The following FZD1 variants were observed in gnomAD, a reference collection of about 807,000 sequenced individuals.
FZD1 encodes the protein frizzled class receptor 1, also known as frizzled-1.
FZD1 carries 22 observed loss-of-function variants against 48.0 expected under a neutral mutation model. That is an observed-to-expected ratio of 0.46 (90% CI 0.33 to 0.65). FZD1 has a LOEUF of 0.65. FZD1 is among the 30% of genes least tolerant of loss of function. FZD1 has a pLI of 0.02. For synonymous variants in FZD1, 486 were observed against 409.6 expected (o/e 1.19, Z -2.25); for missense variants, 843 against 898.1 (o/e 0.94, Z 0.78).
Position 91,266,371 on chromosome 7 carries a change from G to A in FZD1, c.1491G>A (p.Val497=). The change falls in exon 1 of 1, where the codon GTG becomes GTA. Residue 497 remains valine (V), a synonymous_variant. Transcript: ENST00000287934. The surrounding 1 kb of genome is among the most constrained non-coding windows in gnomAD (Gnocchi z 6.8). ...GCTTCGTGCTGGCGCCCCTCTTCGT[G>A]TACCTGTTTATCGGCACGTCCTTTC... ...LRGFVLAPLF[V]YLFIGTSFLL... 6.2e-7 allele frequency: 1 copy of A among 1,614,190 alleles called. No homozygotes were observed. Among genetic ancestry groups the A allele is most frequent in the Non-Finnish European group, 8.5e-7 (1 of 1,180,038 alleles).
rs1803832516 is a variant in FZD1, at chr7:91,264,533, A to G, written c.-348A>G. 9.1e-6 allele frequency: 3 copies of G among 331,294 alleles called. No individual in the cohort carries two copies. Among genetic ancestry groups the G allele is most frequent in the South Asian group, 3.0e-4 (2 of 6,748 alleles). The allele number at this position is 331,294 out of a possible 1,614,324, so 20.5% of individuals were successfully genotyped here. A position where few individuals can be genotyped will look rare whatever the true frequency, so the allele number is the denominator to read the frequency against. The stretch of plus-strand genomic sequence containing the variant: ...AGAAGGAGGCGGAGGCGCAGGGGGG[A>G]GCCGAGCCCGCTGGGCTGCGGAGAG... On this transcript the variant is annotated 5_prime_UTR_variant, in exon 1 of 1. Transcript: ENST00000287934.
rs1187357215 is a variant in FZD1, at chr7:91,266,204, G to A, written c.1324G>A (p.Ala442Thr). 4 of 1,614,176 alleles carry A rather than the reference G, an allele frequency of 2.5e-6. No individual in the cohort carries two copies. In the Admixed American group the frequency reaches 6.7e-5, roughly 27 times the overall value. ...GMKWGHEAIE[A>T]NSQYFHLAAW... ...GAAGTGGGGCCACGAGGCCATCGAA[G>A]CCAACTCACAGTATTTTCACCTGGC... is the stretch of plus-strand genomic sequence containing the variant. The change falls in exon 1 of 1, where the codon GCC (alanine) becomes ACC (threonine). Residue 442 changes from alanine (A) to threonine (T), a missense_variant. Ala to Thr is a moderately conservative substitution (Grantham distance 58). Coordinates refer to ENST00000287934, the MANE Select transcript of FZD1 (RefSeq NM_003505.2). This position sits in a 1 kb window ranked among gnomAD's most constrained non-coding sequence, Gnocchi z 6.8.
Position 91,264,526 on chromosome 7 carries a change from A to G in FZD1, c.-355A>G. On this transcript the variant is annotated 5_prime_UTR_variant, in exon 1 of 1. Coordinates refer to ENST00000287934, the MANE Select transcript of FZD1 (RefSeq NM_003505.2). ...GCGGCGGAGAAGGAGGCGGAGGCGC[A>G]GGGGGGAGCCGAGCCCGCTGGGCTG... is the stretch of plus-strand genomic sequence containing the variant. 6.2e-6 allele frequency: 2 copies of G among 320,544 alleles called. No individual in the cohort carries two copies. Among genetic ancestry groups the G allele is most frequent in the Non-Finnish European group, 1.1e-5 (2 of 175,418 alleles). The allele number at this position is 320,544 out of a possible 1,614,324, so 19.9% of individuals were successfully genotyped here.
chr7:91,265,755 G>A lies in FZD1; in HGVS notation c.875G>A (p.Gly292Glu). The A allele has an allele frequency of 6.2e-7, 1 of 1,612,714 alleles. No individual in the cohort carries two copies. The highest frequency in any genetic ancestry group is 1.3e-5 in the African/African-American group (1 of 75,056). The change falls in exon 1 of 1, where the codon GGG (glycine) becomes GAG (glutamate). Residue 292 changes from glycine to glutamate, a missense_variant. Physicochemically the swap from Gly to Glu is moderately conservative, Grantham distance 98. Coordinates refer to ENST00000287934, the MANE Select transcript of FZD1 (RefSeq NM_003505.2). The surrounding 1 kb of genome is among the most constrained non-coding windows in gnomAD (Gnocchi z 6.9). Reference protein sequence around the residue: ...VPSYLNYHFLGEKDCGAPCEP... With the variant: ...VPSYLNYHFLEEKDCGAPCEP... ...TCCTACCTCAACTACCACTTCCTGGGGGAGAAGGACTGCGGCGCACCTTGT... is the reference window on the plus strand; with the variant it reads ...TCCTACCTCAACTACCACTTCCTGGAGGAGAAGGACTGCGGCGCACCTTGT...
Position 91,270,087 on chromosome 7 carries a change from C to T in FZD1, c.*3263C>T, listed in dbSNP as rs1803946949. On this transcript the variant is annotated 3_prime_UTR_variant, in exon 1 of 1. Transcript: ENST00000287934. ...ATACTGGTGGCAAAATAGGACGTGT[C>T]TGGAAAACCATAAGGCTACTTGGGA... The T allele has an allele frequency of 6.0e-6, 1 of 167,130 alleles. No homozygotes were observed. The highest frequency in any genetic ancestry group is 2.1e-4 in the South Asian group (1 of 4,824). 10.4% of individuals were successfully genotyped at this position (167,130 alleles called of 1,614,324 possible).
chr7:91,266,686 C>T lies in FZD1; in HGVS notation c.1806C>T (p.Val602=). ...PHPPMSPDFT[V]FMIKYLMTLI... is the part of the protein sequence containing the mutation. ...CGCCCATGAGCCCGGACTTCACGGT[C>T]TTCATGATTAAGTACCTTATGACGC... The change falls in exon 1 of 1, where the codon GTC becomes GTT. Residue 602 remains valine, a synonymous_variant. Transcript: ENST00000287934. This position sits in a 1 kb window ranked among gnomAD's most constrained non-coding sequence, Gnocchi z 6.8. 1 of 1,611,546 alleles carries T rather than the reference C, an allele frequency of 6.2e-7. No homozygotes were observed. The highest frequency in any genetic ancestry group is 8.5e-7 in the Non-Finnish European group (1 of 1,178,180).
At position 91,268,192 on chromosome 7, in the gene FZD1, T is replaced by C. The variant is rs1340271787; in HGVS notation, c.*1368T>C. The C allele has an allele frequency of 6.0e-6, 1 of 166,982 alleles. No individual in the cohort carries two copies. Among genetic ancestry groups the C allele is most frequent in the Non-Finnish European group, 1.5e-5 (1 of 68,126 alleles). 10.3% of individuals were successfully genotyped at this position (166,982 alleles called of 1,614,324 possible). A position where few individuals can be genotyped will look rare whatever the true frequency, so the allele number is the denominator to read the frequency against. ...ATGTAAAAGTTGTACACTTTCAACA[T>C]TTTATTACGATTATTATTCAGCAGC... On this transcript the variant is annotated 3_prime_UTR_variant, in exon 1 of 1. Transcript: ENST00000287934.
At position 91,264,791 on chromosome 7, in the gene FZD1, CA is replaced by C; in HGVS notation, c.-89del. On this transcript the variant is annotated 5_prime_UTR_variant, in exon 1 of 1. Coordinates refer to ENST00000287934, the MANE Select transcript of FZD1 (RefSeq NM_003505.2). Reference sequence around the variant, plus strand: ...TTGGGCTCGACGGAGGGCACCCGCGCAGAGGTCTCCCTGGCCGCAGGGGGAG... The same window carrying C: ...TTGGGCTCGACGGAGGGCACCCGCGCGAGGTCTCCCTGGCCGCAGGGGGAG... 1 of 877,616 alleles carries C rather than the reference CA, an allele frequency of 1.1e-6. No individual in the cohort carries two copies. Among genetic ancestry groups the C allele is most frequent in the Admixed American group, 4.3e-5 (1 of 23,176 alleles). The allele number at this position is 877,616 out of a possible 1,614,324, so 54.4% of individuals were successfully genotyped here.
chr7:91,265,176 G>C lies in FZD1; in HGVS notation c.296G>C (p.Gly99Ala). The stretch of plus-strand genomic sequence containing the variant: ...CCGCCGCCTCAGCAGCAACAGAGCG[G>C]GCAGCAGTACAACGGCGAGCGGGGC... Reference protein sequence around the residue: ...PPPPPQQQQSGQQYNGERGIS... With the variant: ...PPPPPQQQQSAQQYNGERGIS... The change falls in exon 1 of 1, where the codon GGG (glycine) becomes GCG (alanine). Residue 99 changes from glycine to alanine, a missense_variant. This residue lies in a region of FZD1 where 490 missense variants were observed against 466.5 expected (regional missense o/e 1.05). Transcript: ENST00000287934. The surrounding 1 kb of genome is among the most constrained non-coding windows in gnomAD (Gnocchi z 6.9). The C allele has an allele frequency of 6.2e-7, 1 of 1,612,054 alleles. No homozygotes were observed. Among genetic ancestry groups the C allele is most frequent in the Non-Finnish European group, 8.5e-7 (1 of 1,179,582 alleles).
In FZD1 at chr7:91,264,542, C is replaced by T. The variant is rs984825040; in HGVS notation, c.-339C>T. The T allele has an allele frequency of 4.1e-5, 14 of 344,368 alleles. No individual in the cohort carries two copies. The highest frequency in any genetic ancestry group is 6.3e-5 in the Non-Finnish European group (12 of 190,698). The allele number at this position is 344,368 out of a possible 1,614,324, so 21.3% of individuals were successfully genotyped here. A position where few individuals can be genotyped will look rare whatever the true frequency, so the allele number is the denominator to read the frequency against. ...CGGAGGCGCAGGGGGGAGCCGAGCCCGCTGGGCTGCGGAGAGTTGCGCTCT... is the reference window on the plus strand; with the variant it reads ...CGGAGGCGCAGGGGGGAGCCGAGCCTGCTGGGCTGCGGAGAGTTGCGCTCT... On this transcript the variant is annotated 5_prime_UTR_variant, in exon 1 of 1. Transcript: ENST00000287934.
chr7:91,264,453 A>T lies in FZD1; in HGVS notation c.-428A>T, dbSNP rs902970464. On this transcript the variant is annotated 5_prime_UTR_variant, in exon 1 of 1. Transcript: ENST00000287934. ...AAACCGGTCCGAGGGCGCGCGAGGC[A>T]GAGGAGAGGGAGCGAGTTGAGGGAT... 4 of 222,188 alleles carry T rather than the reference A, an allele frequency of 1.8e-5. No individual in the cohort carries two copies. The East Asian group carries it at 2.7e-4, about 15-fold the overall frequency. 13.8% of individuals were successfully genotyped at this position (222,188 alleles called of 1,614,324 possible).
At position 91,268,959 on chromosome 7, in the gene FZD1, A is replaced by G. The variant is rs916826004; in HGVS notation, c.*2135A>G. The G allele has an allele frequency of 4.3e-5, 7 of 164,630 alleles. No individual in the cohort carries two copies. Among genetic ancestry groups the G allele is most frequent in the Non-Finnish European group, 7.4e-5 (5 of 67,172 alleles). 10.2% of individuals were successfully genotyped at this position (164,630 alleles called of 1,614,324 possible). ...TGACAGTAGAAAATAGAAGTTTGCA[A>G]ATTATTTCTTTACTCAAAGAGGATT... On this transcript the variant is annotated 3_prime_UTR_variant, in exon 1 of 1. Coordinates refer to ENST00000287934, the MANE Select transcript of FZD1 (RefSeq NM_003505.2).
Position 91,265,513 on chromosome 7 carries a change from C to A in FZD1, c.633C>A (p.Asp211Glu). The A allele has an allele frequency of 6.2e-7, 1 of 1,612,532 alleles. No homozygotes were observed. The highest frequency in any genetic ancestry group is 1.1e-5 in the South Asian group (1 of 91,084). The change falls in exon 1 of 1, where the codon GAC (aspartate) becomes GAA (glutamate). Residue 211 changes from aspartate to glutamate, a missense_variant. By Grantham distance (45) the Asp-to-Glu change is conservative (BLOSUM62 2). Around this residue, in one of 2 missense-constraint regions of FZD1, gnomAD observed 490 missense variants for 466.5 expected, o/e 1.05. Coordinates refer to ENST00000287934, the MANE Select transcript of FZD1 (RefSeq NM_003505.2). This position sits in a 1 kb window ranked among gnomAD's most constrained non-coding sequence, Gnocchi z 6.9. ...LMNKFGFQWP[D>E]TLKCEKFPVH... ...ACAAGTTCGGCTTCCAGTGGCCAGA[C>A]ACGCTCAAGTGTGAGAAGTTCCCGG...
In FZD1 at chr7:91,270,720, T is replaced by C. The variant is rs1048505590; in HGVS notation, c.*3896T>C. The stretch of plus-strand genomic sequence containing the variant: ...CATCTATTGACTATTGGCCACAATT[T>C]ATATAATGCACATGCAATTAATTGA... On this transcript the variant is annotated 3_prime_UTR_variant, in exon 1 of 1. Coordinates refer to ENST00000287934, the MANE Select transcript of FZD1 (RefSeq NM_003505.2). 1.2e-5 allele frequency: 2 copies of C among 166,120 alleles called. No individual in the cohort carries two copies. Among genetic ancestry groups the C allele is most frequent in the African/African-American group, 4.8e-5 (2 of 41,466 alleles). The allele number at this position is 166,120 out of a possible 1,614,324, so 10.3% of individuals were successfully genotyped here.
chr7:91,271,139 G>A lies in FZD1; in HGVS notation c.*4315G>A, dbSNP rs932639217. The A allele has an allele frequency of 4.8e-5, 8 of 167,040 alleles. No individual in the cohort carries two copies. The highest frequency in any genetic ancestry group is 1.9e-4 in the African/African-American group (8 of 41,444). The allele number at this position is 167,040 out of a possible 1,614,324, so 10.3% of individuals were successfully genotyped here. A position where few individuals can be genotyped will look rare whatever the true frequency, so the allele number is the denominator to read the frequency against. On this transcript the variant is annotated 3_prime_UTR_variant, in exon 1 of 1. Transcript: ENST00000287934. ...TTTTGAATGTTGGCAGATGCCAATA[G>A]CCCTTAACATTTGAAAAATGGTACT...
In FZD1 at chr7:91,267,680, C is replaced by T. The variant is rs1369773322; in HGVS notation, c.*856C>T. ...GGTCACCTTCAACGCCCAGACACTCCCTTCTCCCACCTTAGTTGGTTACAG... is the reference window on the plus strand; with the variant it reads ...GGTCACCTTCAACGCCCAGACACTCTCTTCTCCCACCTTAGTTGGTTACAG... On this transcript the variant is annotated 3_prime_UTR_variant, in exon 1 of 1. Transcript: ENST00000287934. 1 of 167,036 alleles carries T rather than the reference C, an allele frequency of 6.0e-6. No individual in the cohort carries two copies. The highest frequency in any genetic ancestry group is 2.1e-4 in the South Asian group (1 of 4,822). The allele number at this position is 167,036 out of a possible 1,614,324, so 10.3% of individuals were successfully genotyped here. A position where few individuals can be genotyped will look rare whatever the true frequency, so the allele number is the denominator to read the frequency against.
At position 91,265,436 on chromosome 7, in the gene FZD1, C is replaced by T; in HGVS notation, c.556C>T (p.Pro186Ser). ...CACCGTGCTAGAGCAGGCGCTGCCG[C>T]CCTGCCGCTCCCTGTGCGAGCGCGC... Reference protein sequence around the residue: ...VCTVLEQALPPCRSLCERARQ... With the variant: ...VCTVLEQALPSCRSLCERARQ... The change falls in exon 1 of 1, where the codon CCC becomes TCC. Residue 186 changes from proline to serine, a missense_variant. Physicochemically the swap from Pro to Ser is moderately conservative, Grantham distance 74. Transcript: ENST00000287934. The surrounding 1 kb of genome is among the most constrained non-coding windows in gnomAD (Gnocchi z 6.9). 1.9e-6 allele frequency: 3 copies of T among 1,613,458 alleles called. No homozygotes were observed. Among genetic ancestry groups the T allele is most frequent in the South Asian group, 1.1e-5 (1 of 91,072 alleles).
Position 91,264,470 on chromosome 7 carries a change from T to G in FZD1, c.-411T>G, listed in dbSNP as rs1563007172. 4.0e-5 allele frequency: 10 copies of G among 248,270 alleles called. No individual in the cohort carries two copies. Among genetic ancestry groups the G allele is most frequent in the Non-Finnish European group, 3.9e-5 (5 of 129,660 alleles). 15.4% of individuals were successfully genotyped at this position (248,270 alleles called of 1,614,324 possible). ...CGCGAGGCAGAGGAGAGGGAGCGAG[T>G]TGAGGGATTGACACAAATGGTCAGG... is the stretch of plus-strand genomic sequence containing the variant. On this transcript the variant is annotated 5_prime_UTR_variant, in exon 1 of 1. Transcript: ENST00000287934.
rs1803866505 is a variant in FZD1 at position 91,265,688 on chromosome 7, G to C, written c.808G>C (p.Glu270Gln). ...CTTCCCGGGGGGCGCCGGCGCGTCG[G>C]AGCGAGGCAAGTTCTCCTGCCCGCG... Reference protein sequence around the residue: ...GGFPGGAGASERGKFSCPRAL... With the variant: ...GGFPGGAGASQRGKFSCPRAL... The change falls in exon 1 of 1, where the codon GAG (glutamate) becomes CAG (glutamine). Residue 270 changes from glutamate (E) to glutamine (Q), a missense_variant. Glu to Gln is a conservative substitution (Grantham distance 29). This residue lies in a region of FZD1 where 490 missense variants were observed against 466.5 expected (regional missense o/e 1.05). Coordinates refer to ENST00000287934, the MANE Select transcript of FZD1 (RefSeq NM_003505.2). This position sits in a 1 kb window ranked among gnomAD's most constrained non-coding sequence, Gnocchi z 6.9. 3.8e-6 allele frequency: 6 copies of C among 1,586,162 alleles called. No homozygotes were observed. The highest frequency in any genetic ancestry group is 1.3e-5 in the African/African-American group (1 of 74,162).
Sources: gnomAD v4.1 joint callset for allele counts on GRCh38, gnomAD v4.1.1 for gene constraint, gnomAD v4.1.1 regional missense constraint, Gnocchi (gnomAD v3.1) non-coding constraint, MANE v1.5 for transcripts, NCBI Gene and HGNC (gene_info 2026-07-23, HGNC 2026-07-21) for gene names.